The following DCC variants were observed in gnomAD, a reference collection of about 807,000 sequenced individuals.
The protein encoded by DCC is netrin receptor DCC.
DCC carries 58 observed loss-of-function variants against 172.5 expected under a neutral mutation model. The ratio of observed to expected loss-of-function variants is 0.34; its 90% CI spans 0.27 to 0.42. The LOEUF (loss-of-function observed/expected upper bound fraction) is 0.42. DCC is among the 10% of genes least tolerant of loss of function. The pLI is 1.00. For synonymous variants in DCC, 709 were observed against 644.5 expected (o/e 1.10, Z -1.52); for missense variants, 1,740 against 1,791.0 (o/e 0.97, Z 0.51).
At chr18:53,222,383 C>CTTTTTTTTTTTTTTTTTT (rs67373546) in intron 12 of DCC, among the ~76,000 whole-genome samples, 3 of 104,216 alleles carry the variant, frequency 2.9e-5, no homozygotes, top group Non-Finnish European at 5.3e-5. Flanking sequence ...TTTCTTTTTT[C>CTTTTTTTTTTTTTTTTTT]TTTTTTTTTT....
chr18:53,197,409 TTTTA>T (rs1241547124), intron 9 of DCC, among the ~76,000 whole-genome samples: 6 of 143,974 alleles, frequency 4.2e-5, no homozygotes, highest in Non-Finnish European at 7.5e-5. Context: ...TCAAATCCAC[TTTTA>T]TTTTAGTTTT....
chr18:52,454,369 T>C (rs1057368704), intron 1 of DCC, among the ~76,000 whole-genome samples: 4 of 152,118 alleles, frequency 2.6e-5, no homozygotes, highest in Admixed American at 2.0e-4. Flanking sequence ...CTTTTTTAAG[T>C]AGAGCAAAAT....
chr18:52,462,790 G>A (rs1988671572), intron 1 of DCC, among the ~76,000 whole-genome samples: 1 of 152,150 alleles, frequency 6.6e-6, no homozygotes, highest in South Asian at 2.1e-4. Flanking sequence ...TCCAGCCCAG[G>A]TGCCTGGAAC....
intron 7 of DCC, among the ~76,000 whole-genome samples, chr18:53,123,257 A>G (rs1223453523): frequency 2.0e-5 from 3 of 152,074 alleles, no homozygotes; most frequent in Admixed American, 6.6e-5. Context: ...TGAGATCTAA[A>G]TGAGGCACTG....
At chr18:52,806,149 C>T (rs1294077800) in intron 2 of DCC, among the ~76,000 whole-genome samples, 1 of 152,088 alleles carries the variant, frequency 6.6e-6, no homozygotes, top group African/African-American at 2.4e-5. Flanking sequence ...ATTTCTGTAT[C>T]TTATTTGCAG....
chr18:52,997,462 T>C (rs566934130), intron 5 of DCC, among the ~76,000 whole-genome samples: 115 of 152,220 alleles, frequency 7.6e-4, no homozygotes, highest in Non-Finnish European at 1.3e-3. Context: ...CATAAAAACC[T>C]AAGTCTCCAT....
intron 5 of DCC, among the ~76,000 whole-genome samples, chr18:53,022,366 T>C (rs1568250647): frequency 6.6e-6 from 1 of 152,096 alleles, no homozygotes; most frequent in Non-Finnish European, 1.5e-5. Context: ...TCACTTTTCA[T>C]ACCAGTAAAA....
At chr18:52,807,191 C>CA (rs1414954756) in intron 2 of DCC, among the ~76,000 whole-genome samples, 1 of 152,004 alleles carries the variant, frequency 6.6e-6, no homozygotes, top group Non-Finnish European at 1.5e-5. Context: ...GAGACTGTCT[C>CA]AAAAAAATTC....
intron 5 of DCC, among the ~76,000 whole-genome samples, chr18:53,062,317 G>A (rs1441566185): frequency 6.6e-6 from 1 of 152,022 alleles, no homozygotes; most frequent in Non-Finnish European, 1.5e-5. Context: ...AAATACAGCA[G>A]CTACTTAGGC....
intron 3 of DCC, among the ~76,000 whole-genome samples, chr18:52,920,238 A>G (rs1017713571): frequency 5.9e-5 from 9 of 152,100 alleles, no homozygotes; most frequent in African/African-American, 2.2e-4. Flanking sequence ...TTAAAAACTT[A>G]TCTTCTACAA....
chr18:53,156,120 T>A (rs1273655292), intron 7 of DCC, among the ~76,000 whole-genome samples: 1 of 152,222 alleles, frequency 6.6e-6, no homozygotes, highest in African/African-American at 2.4e-5. Flanking sequence ...GGTGTCAGTG[T>A]TTGTACACCT....
chr18:53,238,602 G>A (rs997119692), intron 12 of DCC, among the ~76,000 whole-genome samples: 4 of 151,978 alleles, frequency 2.6e-5, no homozygotes, highest in Non-Finnish European at 5.9e-5. Flanking sequence ...ACACATTTCA[G>A]GGGTCCCTTT....
chr18:53,226,135 C>T (rs2056024185), intron 12 of DCC, among the ~76,000 whole-genome samples: 1 of 152,140 alleles, frequency 6.6e-6, no homozygotes, highest in Non-Finnish European at 1.5e-5. Flanking sequence ...TGAGCCCCAG[C>T]CAGGGCTGTT....
chr18:53,496,649 TAAG>T (rs1433432430), intron 26 of DCC, among the ~76,000 whole-genome samples: 1 of 152,082 alleles, frequency 6.6e-6, no homozygotes. Context: ...AGGTGGGTAA[TAAG>T]AAACTCCTCC....
intron 5 of DCC, among the ~76,000 whole-genome samples, chr18:53,034,944 T>C (rs1357173553): frequency 6.6e-6 from 1 of 152,072 alleles, no homozygotes; most frequent in Non-Finnish European, 1.5e-5. Flanking sequence ...CACACTACCC[T>C]AGCTAGTCCT....
At chr18:52,968,109 T>G (rs72926170) in intron 5 of DCC, among the ~76,000 whole-genome samples, 4 of 152,154 alleles carry the variant, frequency 2.6e-5, no homozygotes, top group Non-Finnish European at 5.9e-5. Context: ...AGAATTAGAA[T>G]AGATTTTGGT....
At chr18:53,084,153 G>T (rs1376736630) in intron 7 of DCC, among the ~76,000 whole-genome samples, 2 of 152,158 alleles carry the variant, frequency 1.3e-5, no homozygotes, top group Admixed American at 1.3e-4. Context: ...TCTGGTGAAG[G>T]CTCTTTACAG....
chr18:52,740,746 A>G (rs1191508345), intron 1 of DCC, among the ~76,000 whole-genome samples: 1 of 152,174 alleles, frequency 6.6e-6, no homozygotes, highest in Non-Finnish European at 1.5e-5. Context: ...TCTCTATTTT[A>G]TGGATAATGA....
chr18:52,976,007 C>A (rs1197446579), intron 5 of DCC, among the ~76,000 whole-genome samples: 1 of 152,116 alleles, frequency 6.6e-6, no homozygotes, highest in Admixed American at 6.6e-5. Context: ...TCTCTACAAC[C>A]TTGCCAGCTC....
Sources: allele counts gnomAD v4.1 joint callset (sites outside exome capture counted in the v4.1 genomes callset), GRCh38; gene constraint gnomAD v4.1.1; transcripts MANE v1.5; gene names NCBI Gene and HGNC (gene_info 2026-07-23, HGNC 2026-07-21).